The following TENM3 variants were observed in gnomAD, a reference collection of about 807,000 sequenced individuals.
TENM3 encodes teneurin-3.
In TENM3, 63 loss-of-function variants were observed where a neutral mutation model predicts 255.1. The ratio of observed to expected loss-of-function variants is 0.25; its 90% CI spans 0.20 to 0.30. The LOEUF (loss-of-function observed/expected upper bound fraction) is 0.30. Among genes scored for constraint, TENM3 ranks in the 10% least tolerant of loss-of-function variants. The probability of loss-of-function intolerance (pLI) is 1.00; values close to 1 mark genes in which losing one functional copy is unlikely to be tolerated. For missense variants in TENM3, 2,929 were observed against 3,461.1 expected (o/e 0.85, Z 3.86); for synonymous variants, 1,306 against 1,322.3 (o/e 0.99, Z 0.27).
chr4:182,028,085 A>T, the TENM3 span, among the ~76,000 whole-genome samples: 1 of 152,170 alleles, frequency 6.6e-6, no homozygotes, highest in Non-Finnish European at 1.5e-5. Context: ...TTCAGCAGTG[A>T]AGCTATTGGG....
chr4:182,161,527 C>T (rs113109738), intron 1 of TENM3, among the ~76,000 whole-genome samples: 7,179 of 123,506 alleles, frequency 0.058, 84 homozygotes, highest in East Asian at 0.16. Context: ...GTGGAGGTTG[C>T]AATGAGCCGA....
chr4:181,986,826 G>C, the TENM3 span, among the ~76,000 whole-genome samples: 209 of 152,154 alleles, frequency 1.4e-3, 12 homozygotes, highest in South Asian at 0.042. Flanking sequence ...TGATGACATA[G>C]ATATACATCT....
chr4:182,098,883 C>G, the TENM3 span, among the ~76,000 whole-genome samples: 1 of 151,828 alleles, frequency 6.6e-6, no homozygotes, highest in Non-Finnish European at 1.5e-5. Context: ...TTCCAGCTAC[C>G]CTGATTTGAT....
At chr4:181,739,160 T>A in the TENM3 span, among the ~76,000 whole-genome samples, 1 of 152,222 alleles carries the variant, frequency 6.6e-6, no homozygotes, top group African/African-American at 2.4e-5. Context: ...CTGTCTGTCC[T>A]TGACGTTGTA....
chr4:181,501,538 T>G, the TENM3 span, among the ~76,000 whole-genome samples: 2 of 151,996 alleles, frequency 1.3e-5, no homozygotes, highest in African/African-American at 4.8e-5. Context: ...CCACCACGTC[T>G]GGCTAATTGT....
the TENM3 span, among the ~76,000 whole-genome samples, chr4:182,100,816 TATACAC>T: frequency 2.8e-3 from 27 of 9,760 alleles, 9 homozygotes; most frequent in Admixed American, 0.012. Context: ...TACACATATA[TATACAC>T]ATATATATAT....
rs183257705 is a variant in TENM3, at chr4:182,571,933, G to A, written c.512-28991G>A. Among the ~76,000 whole-genome samples, 413 of 152,238 alleles carry A rather than the reference G, an allele frequency of 2.7e-3. 1 individual carries two copies. Among genetic ancestry groups the A allele is most frequent in the African/African-American group, 9.1e-3 (380 of 41,558 alleles). On this transcript the variant is annotated intron_variant, in intron 3 of 27. Coordinates refer to ENST00000511685, the MANE Select transcript of TENM3 (RefSeq NM_001080477.4). The stretch of plus-strand genomic sequence containing the variant: ...TGTTGTTGTTTTGAGACAGAGTCTC[G>A]CTCTGTCACCCAGGCTGGAGTGCAG...
intron 13 of TENM3, among the ~76,000 whole-genome samples, chr4:182,723,115 A>C (rs549259080): frequency 4.3e-4 from 66 of 152,348 alleles, no homozygotes; most frequent in African/African-American, 1.5e-3. Context: ...TCTAGAAGGC[A>C]ATTGGTGGCT....
At chr4:182,333,969 C>T (rs533802155) in intron 2 of TENM3, among the ~76,000 whole-genome samples, 103 of 152,206 alleles carry the variant, frequency 6.8e-4, no homozygotes, top group Non-Finnish European at 1.2e-3. Flanking sequence ...CCAGGTCTGC[C>T]TTGCCGTAGC....
At chr4:181,788,706 C>T in the TENM3 span, among the ~76,000 whole-genome samples, 1 of 152,150 alleles carries the variant, frequency 6.6e-6, no homozygotes, top group Non-Finnish European at 1.5e-5. Flanking sequence ...GATCTTCCTG[C>T]CTCAGCTGCC....
the TENM3 span, among the ~76,000 whole-genome samples, chr4:181,668,276 G>T: frequency 6.6e-6 from 1 of 152,120 alleles, no homozygotes; most frequent in Non-Finnish European, 1.5e-5. Context: ...CCTATCACTA[G>T]GCTTACTTCC....
chr4:181,526,849 C>G, the TENM3 span, among the ~76,000 whole-genome samples: 1 of 152,226 alleles, frequency 6.6e-6, no homozygotes, highest in Non-Finnish European at 1.5e-5. Context: ...CCGAGCTTCT[C>G]TCTCTCTATC....
Position 182,793,284 on chromosome 4 carries a change from C to A in TENM3, c.6612C>A (p.Ile2204=). ...TCCTACGTCAAAGGGGCACGGAAAT[C>A]TTTGAATATAGCTCCAAGGGGCTTC... ...DGFLRQRGTE[I]FEYSSKGLLT... Residue 2204 remains isoleucine, a synonymous_variant, in exon 26 of 28, where the codon ATC becomes ATA. Coordinates refer to ENST00000511685, the MANE Select transcript of TENM3 (RefSeq NM_001080477.4). The surrounding 1 kb of genome is among the most constrained non-coding windows in gnomAD (Gnocchi z 5.7). The A allele has an allele frequency of 6.2e-7, 1 of 1,613,864 alleles. No individual in the cohort carries two copies. Among genetic ancestry groups the A allele is most frequent in the Non-Finnish European group, 8.5e-7 (1 of 1,179,824 alleles).
At position 182,729,165 on chromosome 4, in the gene TENM3, A is replaced by C; in HGVS notation, c.2569A>C (p.Ser857Arg). The change falls in exon 14 of 28, where the codon AGT (serine) becomes CGT (arginine). Residue 857 changes from serine to arginine, a missense_variant. By Grantham distance (110) the Ser-to-Arg change is moderately radical. This residue lies in a region of TENM3 where 1,608 missense variants were observed against 1,884.4 expected (regional missense o/e 0.85). Coordinates refer to ENST00000511685, the MANE Select transcript of TENM3 (RefSeq NM_001080477.4). Reference protein sequence around the residue: ...SDSTHVIPGESPFNKSLASVI... With the variant: ...SDSTHVIPGERPFNKSLASVI... Reference sequence around the variant, plus strand: ...TAGCACCCATGTTATACCTGGAGAAAGTCCTTTCAATAAGAGGTTAATGCT... The same window carrying C: ...TAGCACCCATGTTATACCTGGAGAACGTCCTTTCAATAAGAGGTTAATGCT... 1 of 1,613,740 alleles carries C rather than the reference A, an allele frequency of 6.2e-7. No individual in the cohort carries two copies. Among genetic ancestry groups the C allele is most frequent in the Non-Finnish European group, 8.5e-7 (1 of 1,179,622 alleles).
chr4:182,758,329 C>T (rs1762878616), intron 22 of TENM3, among the ~76,000 whole-genome samples: 1 of 151,964 alleles, frequency 6.6e-6, no homozygotes, highest in Admixed American at 6.6e-5. Flanking sequence ...AGGAAATGCA[C>T]AAAAAGAAAA....
At chr4:182,763,148 C>G (rs908850430) in intron 22 of TENM3, among the ~76,000 whole-genome samples, 1 of 152,104 alleles carries the variant, frequency 6.6e-6, no homozygotes, top group South Asian at 2.1e-4. Context: ...TAATAAAAAA[C>G]TGTATAAAAA....
At chr4:181,654,613 G>A in the TENM3 span, among the ~76,000 whole-genome samples, 1 of 152,034 alleles carries the variant, frequency 6.6e-6, no homozygotes, top group Admixed American at 6.6e-5. Context: ...AATTAGCTGG[G>A]CATGGTGGCG....
At position 182,799,279 on chromosome 4, in the gene TENM3, G is replaced by A. The variant is rs750739000; in HGVS notation, c.7345-317G>A. Among the ~76,000 whole-genome samples, 22 of 152,224 alleles carry A rather than the reference G, an allele frequency of 1.4e-4. No individual in the cohort carries two copies. Among genetic ancestry groups the A allele is most frequent in the Admixed American group, 2.6e-4 (4 of 15,288 alleles). ...ATGAGCTGGGTTCCCCACGTGGGGT[G>A]GGAGTGGGAAAAGAGCATCTAGAAA... On this transcript the variant is annotated intron_variant, in intron 27 of 27. Transcript: ENST00000511685. The surrounding 1 kb of genome is among the most constrained non-coding windows in gnomAD (Gnocchi z 4.2).
the TENM3 span, chr4:181,980,253 C>T: frequency 1.3e-5 from 2 of 152,154 alleles, no homozygotes; most frequent in Non-Finnish European, 2.9e-5. Context: ...CTCTGGGGTT[C>T]GCAAGCCTTC....
Sources: gnomAD v4.1 joint callset for allele counts (sites outside exome capture counted in the v4.1 genomes callset) on GRCh38, gnomAD v4.1.1 for gene constraint, gnomAD v4.1.1 regional missense constraint, Gnocchi (gnomAD v3.1) non-coding constraint, MANE v1.5 for transcripts, NCBI Gene and HGNC (gene_info 2026-07-23, HGNC 2026-07-21) for gene names.